Variants in TPTE2 observed in about 807,000 individuals in gnomAD.
TPTE2 encodes phosphatidylinositol 3,4,5-trisphosphate 3-phosphatase TPTE2.
TPTE2 carries 53 observed loss-of-function variants against 78.6 expected under a neutral mutation model. The observed-to-expected ratio is 0.67, with a 90% CI of 0.54 to 0.85. The LOEUF (loss-of-function observed/expected upper bound fraction) is 0.85. TPTE2 is among the 40% of genes least tolerant of loss of function. The pLI, the probability that TPTE2 is intolerant of heterozygous loss-of-function variation, is 0.00. For missense variants in TPTE2, 461 were observed against 623.0 expected (o/e 0.74, Z 2.77); for synonymous variants, 175 against 206.2 (o/e 0.85, Z 1.30).
chr13:19,424,605 T>C (rs1277019891), intron 19 of TPTE2, among the ~76,000 whole-genome samples: 1 of 152,182 alleles, frequency 6.6e-6, no homozygotes, highest in East Asian at 1.9e-4. Flanking sequence ...AATCAGCACC[T>C]ACTGACAGGG....
At chr13:19,515,540 G>C (rs1035241871) in intron 1 of TPTE2, among the ~76,000 whole-genome samples, 1 of 152,140 alleles carries the variant, frequency 6.6e-6, no homozygotes, top group African/African-American at 2.4e-5. Context: ...CCTGGTCTGA[G>C]AGCCATGAGG....
At chr13:19,459,551 C>T (rs1022280695) in intron 10 of TPTE2, among the ~76,000 whole-genome samples, 2 of 152,148 alleles carry the variant, frequency 1.3e-5, no homozygotes, top group Admixed American at 6.5e-5. Flanking sequence ...CTTCCTCCTC[C>T]GGACCACCTG....
In TPTE2 at chr13:19,438,033, C is replaced by G. The variant is rs199817942; in HGVS notation, c.1035+59G>C. On this transcript the variant is annotated intron_variant, in intron 14 of 19. Coordinates refer to ENST00000400230, the Ensembl canonical transcript of TPTE2. ...ATCATCTTAACGTCCTACCAGCGAT[C>G]TTTCAGAACTAGCAAACTCAATCAT... 1.3e-3 allele frequency: 2,112 copies of G among 1,576,380 alleles called. 3 individuals are homozygous for G. Among genetic ancestry groups the G allele is most frequent in the Non-Finnish European group, 1.7e-3 (2,010 of 1,160,858 alleles).
intron 13 of TPTE2, among the ~76,000 whole-genome samples, chr13:19,439,860 G>A (rs554367449): frequency 6.6e-6 from 1 of 152,260 alleles, no homozygotes; most frequent in South Asian, 2.1e-4. Flanking sequence ...CATAATTTCA[G>A]AGCTTGAAGA....
intron 1 of TPTE2, among the ~76,000 whole-genome samples, chr13:19,513,606 C>T (rs991342404): frequency 2.6e-5 from 4 of 152,096 alleles, no homozygotes; most frequent in South Asian, 4.1e-4. Flanking sequence ...GCTATGATTG[C>T]GCTACAAATT....
chr13:19,438,099 G>A, exon 14 of TPTE2: 1 of 1,607,408 alleles, frequency 6.2e-7, no homozygotes, highest in South Asian at 1.1e-5. Flanking sequence ...TACCTCGGCA[G>A]TTAAAAATAT....
At chr13:19,554,936 T>C in the TPTE2 span, among the ~76,000 whole-genome samples, 2 of 152,222 alleles carry the variant, frequency 1.3e-5, no homozygotes, top group African/African-American at 4.8e-5. Flanking sequence ...ACCACTAAAA[T>C]AACTTGTCTC....
intron 6 of TPTE2, among the ~76,000 whole-genome samples, 168 bp downstream of exon 9, chr13:19,473,746 C>T (rs1879769208): frequency 6.6e-6 from 1 of 152,010 alleles, no homozygotes; most frequent in Non-Finnish European, 1.5e-5. Context: ...CAGGCAACCA[C>T]CACCATGCCC....
chr13:19,438,342 C>T (rs1209244740), intron 13 of TPTE2, 189 bp from the exon 17 acceptor site: 5 of 985,324 alleles, frequency 5.1e-6, no homozygotes, highest in South Asian at 4.7e-5. Flanking sequence ...GTGAAAAATA[C>T]GCAAATTACA....
At chr13:19,507,675 A>G (rs149571664), upstream of TPTE2, among the ~76,000 whole-genome samples, 296 of 152,322 alleles carry the variant, frequency 1.9e-3, 1 homozygote, top group African/African-American at 6.9e-3. Flanking sequence ...AACTAACAGC[A>G]TGATTATGAA....
chr13:19,483,811 G>A (rs1360723495), intron 3 of TPTE2, among the ~76,000 whole-genome samples: 3 of 151,800 alleles, frequency 2.0e-5, no homozygotes, highest in African/African-American at 7.3e-5. Flanking sequence ...TAAGTTCTAG[G>A]GTACATGTGC....
At chr13:19,453,961 T>G (rs1878370030) in intron 10 of TPTE2, among the ~76,000 whole-genome samples, 2 of 152,160 alleles carry the variant, frequency 1.3e-5, no homozygotes, top group Admixed American at 6.5e-5. Flanking sequence ...AACCTCCACC[T>G]TTGGGTTTTC....
the TPTE2 span, among the ~76,000 whole-genome samples, chr13:19,559,103 T>A: frequency 1.3e-5 from 2 of 152,256 alleles, no homozygotes; most frequent in African/African-American, 2.4e-5. Flanking sequence ...GGTGTTTAAA[T>A]CATGAATGTC....
At chr13:19,436,871 A>G (rs970538950) in intron 14 of TPTE2, among the ~76,000 whole-genome samples, 1 of 152,206 alleles carries the variant, frequency 6.6e-6, no homozygotes, top group African/African-American at 2.4e-5. Context: ...CACTGAGACC[A>G]AAAGAAAACC....
intron 13 of TPTE2, among the ~76,000 whole-genome samples, chr13:19,441,291 A>C (rs1204486220): frequency 6.6e-6 from 1 of 152,036 alleles, no homozygotes; most frequent in African/African-American, 2.4e-5. Flanking sequence ...AAAAGGGCAC[A>C]GGTTGAAAAA....
the TPTE2 span, among the ~76,000 whole-genome samples, chr13:19,552,127 A>G: frequency 6.6e-6 from 1 of 152,228 alleles, no homozygotes; most frequent in Non-Finnish European, 1.5e-5. Context: ...TGAGTTGCTC[A>G]TAAAAGTTCC....
At chr13:19,462,928 C>T (rs1879025197) in intron 10 of TPTE2, among the ~76,000 whole-genome samples, 1 of 151,812 alleles carries the variant, frequency 6.6e-6, no homozygotes, top group Non-Finnish European at 1.5e-5. Context: ...ATTTGAGAAC[C>T]TTCGAGCTTC....
intron 10 of TPTE2, among the ~76,000 whole-genome samples, chr13:19,454,796 C>T (rs1430776170): frequency 6.6e-6 from 1 of 152,058 alleles, no homozygotes; most frequent in East Asian, 1.9e-4. Flanking sequence ...TTAAAAACAC[C>T]CCAGCTAATA....
chr13:19,519,024 C>T (rs1161288893), intron 1 of TPTE2, among the ~76,000 whole-genome samples: 2 of 152,060 alleles, frequency 1.3e-5, no homozygotes, highest in African/African-American at 4.8e-5. Context: ...TTGGGGGCCC[C>T]TTATACTTTC....
Sources: gnomAD v4.1 joint callset for allele counts (sites outside exome capture counted in the v4.1 genomes callset) on GRCh38, gnomAD v4.1.1 for gene constraint, MANE v1.5 for transcripts, NCBI Gene and HGNC (gene_info 2026-07-23, HGNC 2026-07-21) for gene names.